Variants in RSL1D1 observed in about 807,000 individuals in gnomAD.
RSL1D1 encodes ribosomal L1 domain-containing protein 1.
In RSL1D1, 34 loss-of-function variants were observed where a neutral mutation model predicts 44.6. That is an observed-to-expected ratio of 0.76 (90% CI 0.58 to 1.02). RSL1D1 has a LOEUF of 1.02. Among genes scored for constraint, RSL1D1 ranks in the 50% least tolerant of loss-of-function variants. The pLI is 0.00. For missense variants in RSL1D1, 767 were observed against 568.1 expected (o/e 1.35, Z -3.56); for synonymous variants, 271 against 207.4 (o/e 1.31, Z -2.63).
intron 7 of RSL1D1, among the ~76,000 whole-genome samples, chr16:11,841,221 G>A (rs2053761922): frequency 6.6e-6 from 1 of 152,060 alleles, no homozygotes; most frequent in Non-Finnish European, 1.5e-5. Flanking sequence ...ATCAGCCTGG[G>A]AAACAGGGCG....
intron 2 of RSL1D1, chr16:11,849,304 G>A (rs2053819676): frequency 6.6e-6 from 1 of 151,502 alleles, no homozygotes; most frequent in African/African-American, 2.4e-5. Flanking sequence ...GATCACTTGA[G>A]TCAGGTCAGG....
intron 5 of RSL1D1, among the ~76,000 whole-genome samples, chr16:11,843,214 C>A (rs528605925): frequency 6.6e-6 from 1 of 151,482 alleles, no homozygotes; most frequent in South Asian, 2.1e-4. Context: ...GGATTACAGG[C>A]GTGAACCACT....
intron 5 of RSL1D1, among the ~76,000 whole-genome samples, chr16:11,844,029 T>A (rs552493576): frequency 1.3e-5 from 2 of 150,180 alleles, no homozygotes; most frequent in Non-Finnish European, 3.0e-5. Flanking sequence ...CAGAAGGAAG[T>A]GAGCCAGAAG....
chr16:11,839,536 A>C (rs2053748414), intron 8 of RSL1D1, among the ~76,000 whole-genome samples, 159 bp downstream of exon 8: 1 of 151,616 alleles, frequency 6.6e-6, no homozygotes, highest in Non-Finnish European at 1.5e-5. Flanking sequence ...TAAAAAAAAA[A>C]AAAAAAAAAA....
chr16:11,843,242 T>A (rs2053775347), intron 5 of RSL1D1, among the ~76,000 whole-genome samples: 1 of 151,644 alleles, frequency 6.6e-6, no homozygotes, highest in Admixed American at 6.6e-5. Flanking sequence ...GCCTAATTTG[T>A]GTATTTTTAG....
rs144184215 is a variant in RSL1D1 at position 11,840,178 on chromosome 16, A to T, written c.856-193T>A. Among the ~76,000 whole-genome samples the T allele has an allele frequency of 2.2e-3, 331 of 152,342 alleles. 1 individual carries two copies. Among genetic ancestry groups the T allele is most frequent in the African/African-American group, 7.8e-3 (324 of 41,592 alleles). On this transcript the variant is annotated intron_variant, in intron 7 of 8. Coordinates refer to ENST00000571133, the MANE Select transcript of RSL1D1 (RefSeq NM_015659.3). ...TGACTCACAGCCAAACATGCATTTT[A>T]TGCAGTAAATTATATACCGGCATTT...
chr16:11,850,508 G>GC (rs987417423), intron 1 of RSL1D1, 90 bp from the exon 2 acceptor site: 1 of 1,354,158 alleles, frequency 7.4e-7, no homozygotes, highest in Non-Finnish European at 1.0e-6. Flanking sequence ...TTTAGCATTT[G>GC]CCCCCTCCCA....
Position 11,836,423 on chromosome 16 carries a change from T to C in RSL1D1, c.*1364A>G, listed in dbSNP as rs1038973796. ...ATGCAAGAACATTCCTGCACTGCAGTGAATCTGTGAACTTACTACTACGGA... is the reference window on the plus strand; with the variant it reads ...ATGCAAGAACATTCCTGCACTGCAGCGAATCTGTGAACTTACTACTACGGA... On this transcript the variant is annotated 3_prime_UTR_variant, in exon 9 of 9. Coordinates refer to ENST00000571133, the MANE Select transcript of RSL1D1 (RefSeq NM_015659.3). 21 of 152,310 alleles carry C rather than the reference T, an allele frequency of 1.4e-4. No homozygotes were observed. The South Asian group carries it at 2.9e-3, about 21-fold the overall frequency. The allele number at this position is 152,310 out of a possible 1,614,324, so 9.4% of individuals were successfully genotyped here.
Position 11,837,809 on chromosome 16 carries a change from G to T in RSL1D1, c.1451C>A (p.Pro484His). ...ACTTTAGGTCGACTGGGGTACTTTG[G>T]GTTTTTTGGGCCATTTTTTGGGGGT... Reference protein sequence around the residue: ...SHTPKKWPKKPKVPQST With the variant: ...SHTPKKWPKKHKVPQST The change falls in exon 9 of 9, where the codon CCC becomes CAC. Residue 484 changes from proline (P) to histidine (H), a missense_variant. Pro to His is a moderately conservative substitution (Grantham distance 77, BLOSUM62 -2). Transcript: ENST00000571133. The T allele has an allele frequency of 1.9e-6, 3 of 1,609,970 alleles. No individual in the cohort carries two copies.
rs1412684542 is a variant in RSL1D1, at chr16:11,839,551, C to T, written c.1146+144G>A. The stretch of plus-strand genomic sequence containing the variant: ...TAAAAAAAAAAAAAAAAAAAAGGTA[C>T]AATAAATCATGATATGATAACCACC... On this transcript the variant is annotated intron_variant, in intron 8 of 8. Coordinates refer to ENST00000571133, the MANE Select transcript of RSL1D1 (RefSeq NM_015659.3). The T allele has an allele frequency of 6.3e-6, 3 of 479,062 alleles. No individual in the cohort carries two copies. The African/African-American group carries it at 6.7e-5, about 11-fold the overall frequency. 29.7% of individuals were successfully genotyped at this position (479,062 alleles called of 1,614,324 possible). A position where few individuals can be genotyped will look rare whatever the true frequency, so the allele number is the denominator to read the frequency against.
In RSL1D1 at chr16:11,850,544, T is replaced by G. The variant is rs2053830137; in HGVS notation, c.106-126A>C. On this transcript the variant is annotated intron_variant, in intron 1 of 8. Transcript: ENST00000571133. ...CACCTTCTATTTTTTCCCTTCCAAC[T>G]TCTATTTCAAGGGGTAACCTCCATA... is the stretch of plus-strand genomic sequence containing the variant. 7 of 923,218 alleles carry G rather than the reference T, an allele frequency of 7.6e-6. No homozygotes were observed. The Admixed American group carries it at 2.2e-4, about 28-fold the overall frequency. 57.2% of individuals were successfully genotyped at this position (923,218 alleles called of 1,614,324 possible).
intron 2 of RSL1D1, among the ~76,000 whole-genome samples, 166 bp downstream of exon 2, chr16:11,850,113 C>T (rs1301470675): frequency 1.3e-5 from 2 of 152,196 alleles, no homozygotes; most frequent in Non-Finnish European, 2.9e-5. Flanking sequence ...AGGTGTGAGC[C>T]ACCACATCAA....
At chr16:11,847,065 G>C (rs776573507) in intron 3 of RSL1D1, among the ~76,000 whole-genome samples, 3 of 152,102 alleles carry the variant, frequency 2.0e-5, no homozygotes, top group Non-Finnish European at 2.9e-5. Flanking sequence ...TTAGATCTAG[G>C]TGGGCAACAT....
At position 11,847,808 on chromosome 16, in the gene RSL1D1, T is replaced by C; in HGVS notation, c.246-2A>G. ...GATCGAATACTATGAGGCAAGGTCC[T>C]ACAAAATACGTGAAAAGAAACCGAG... On this transcript the variant is annotated splice_acceptor_variant, in intron 2 of 8. Transcript: ENST00000571133. LOFTEE classifies it high-confidence loss of function. 1 of 1,612,196 alleles carries C rather than the reference T, an allele frequency of 6.2e-7. No individual in the cohort carries two copies. The highest frequency in any genetic ancestry group is 8.5e-7 in the Non-Finnish European group (1 of 1,179,404).
At chr16:11,844,906 T>C (rs2053787264) in intron 5 of RSL1D1, among the ~76,000 whole-genome samples, 1 of 152,180 alleles carries the variant, frequency 6.6e-6, no homozygotes, top group Admixed American at 6.5e-5. Flanking sequence ...CTCAGCCTAA[T>C]AAAATAGCCT....
Position 11,835,026 on chromosome 16 carries a change from G to C in RSL1D1, c.*2761C>G, listed in dbSNP as rs952352945. The C allele has an allele frequency of 1.3e-5, 2 of 152,194 alleles. No homozygotes were observed. The highest frequency in any genetic ancestry group is 2.9e-5 in the Non-Finnish European group (2 of 68,134). 9.4% of individuals were successfully genotyped at this position (152,194 alleles called of 1,614,324 possible). ...CTTGGGAGGCTGAGGTGGGAAGATC[G>C]CCTTGAGCCCAGGAAATTGAGGCTG... On this transcript the variant is annotated 3_prime_UTR_variant, in exon 9 of 9. Transcript: ENST00000571133.
intron 7 of RSL1D1, among the ~76,000 whole-genome samples, chr16:11,840,768 G>A (rs1567418377): frequency 6.6e-6 from 1 of 152,088 alleles, no homozygotes; most frequent in African/African-American, 2.4e-5. Context: ...CCAAATACGT[G>A]CACATTAGGT....
At chr16:11,843,108 T>C (rs2053774326) in intron 5 of RSL1D1, among the ~76,000 whole-genome samples, 1 of 151,160 alleles carries the variant, frequency 6.6e-6, no homozygotes, top group Non-Finnish European at 1.5e-5. Flanking sequence ...TTTTTTTTTT[T>C]TTTTTTAGTA....
intron 5 of RSL1D1, among the ~76,000 whole-genome samples, chr16:11,843,721 A>T (rs565032684): frequency 1.3e-5 from 2 of 151,912 alleles, no homozygotes; most frequent in South Asian, 4.2e-4. Context: ...ATACAAAAAA[A>T]TTAGCTGGGC....
Sources: allele counts gnomAD v4.1 joint callset (sites outside exome capture counted in the v4.1 genomes callset), GRCh38; gene constraint gnomAD v4.1.1; transcripts MANE v1.5; gene names NCBI Gene and HGNC (gene_info 2026-07-23, HGNC 2026-07-21).